LCOR: variants seen among roughly 807,000 people sequenced by gnomAD.
LCOR encodes ligand dependent nuclear receptor corepressor.
Under a neutral mutation model 64.4 loss-of-function variants are expected in LCOR, and 14 were observed. That is an observed-to-expected ratio of 0.22 (90% CI 0.14 to 0.34). The LOEUF (loss-of-function observed/expected upper bound fraction) is 0.34, where lower values mean the gene tolerates loss of function less well. Among genes scored for constraint, LCOR ranks in the 10% least tolerant of loss-of-function variants. LCOR has a pLI of 1.00. For missense variants in LCOR, 1,686 were observed against 1,765.3 expected (o/e 0.96, Z 0.80); for synonymous variants, 643 against 642.5 (o/e 1.00, Z -0.01).
chr10:96,921,730 C>T (rs1017020165), intron 4 of LCOR, among the ~76,000 whole-genome samples: 3 of 152,188 alleles, frequency 2.0e-5, no homozygotes, highest in East Asian at 1.9e-4. Flanking sequence ...TCCCAAAGAG[C>T]GAGGATTACT....
chr10:96,957,301 A>G (rs1847800415), intron 7 of LCOR: 1 of 985,096 alleles, frequency 1.0e-6, no homozygotes, highest in Non-Finnish European at 1.2e-6. Flanking sequence ...ACAGTTCAGG[A>G]CCTTTGAGAT....
At chr10:96,941,188 G>T (rs1589670750) in intron 4 of LCOR, among the ~76,000 whole-genome samples, 1 of 140,008 alleles carries the variant, frequency 7.1e-6, no homozygotes, top group Non-Finnish European at 1.6e-5. Context: ...CAGGCGGGGG[G>T]CTGACCCCCC....
chr10:96,896,847 G>T (rs1196572293), intron 2 of LCOR, among the ~76,000 whole-genome samples: 2 of 152,190 alleles, frequency 1.3e-5, no homozygotes, highest in Non-Finnish European at 1.5e-5. Flanking sequence ...ACTCTGGAAA[G>T]AAGAGAGTAA....
intron 2 of LCOR, among the ~76,000 whole-genome samples, chr10:96,871,237 T>C (rs1040222662): frequency 4.0e-5 from 6 of 151,526 alleles, no homozygotes; most frequent in Admixed American, 4.0e-4. Context: ...TTTTTCCTCT[T>C]GTAGAGACAA....
chr10:96,971,867 A>C (rs1848001994), intron 7 of LCOR, among the ~76,000 whole-genome samples: 1 of 152,258 alleles, frequency 6.6e-6, no homozygotes. Context: ...GAGTATCTAA[A>C]TAACAGGCCT....
At chr10:96,873,800 C>T (rs1203134635) in intron 2 of LCOR, among the ~76,000 whole-genome samples, 1 of 152,028 alleles carries the variant, frequency 6.6e-6, no homozygotes, top group Non-Finnish European at 1.5e-5. Context: ...GATGGGGTTT[C>T]ACCATATTGG....
chr10:96,984,006 T>C lies in LCOR; in HGVS notation c.3546T>C (p.Asn1182=), dbSNP rs1848121002. The C allele has an allele frequency of 6.2e-7, 1 of 1,614,190 alleles. No individual in the cohort carries two copies. The highest frequency in any genetic ancestry group is 1.3e-5 in the African/African-American group (1 of 75,052). The part of the protein sequence containing the change: ...MLFMTNFKLS[N]VCKWFLETTE... The stretch of plus-strand genomic sequence containing the variant: ...TTATGACAAACTTTAAATTATCTAA[T>C]GTTTGTAAATGGTTCTTAGAGACAA... Residue 1182 remains asparagine (N), a synonymous_variant, in exon 8 of 8, where the codon AAT becomes AAC. Transcript: ENST00000421806.
intron 4 of LCOR, among the ~76,000 whole-genome samples, chr10:96,920,631 C>CATATATGTGTATATATGTATGTAT (rs1564626297): frequency 1.7e-5 from 2 of 117,918 alleles, no homozygotes; most frequent in African/African-American, 7.3e-5. Context: ...TATGTATGTA[C>CATATATGTGTATATATGTATGTAT]ATTCATATAT....
At chr10:96,923,531 A>T (rs1250903771) in intron 4 of LCOR, among the ~76,000 whole-genome samples, 2 of 152,178 alleles carry the variant, frequency 1.3e-5, no homozygotes, top group Non-Finnish European at 2.9e-5. Flanking sequence ...AATAAGTAAC[A>T]CTATGTAAGT....
chr10:96,939,557 A>G (rs1847411765), intron 4 of LCOR, among the ~76,000 whole-genome samples: 1 of 152,228 alleles, frequency 6.6e-6, no homozygotes, highest in Non-Finnish European at 1.5e-5. Context: ...AAGAAAACTC[A>G]AAGAATGGGA....
chr10:96,893,355 T>A (rs1846478798), intron 2 of LCOR, among the ~76,000 whole-genome samples: 1 of 152,214 alleles, frequency 6.6e-6, no homozygotes, highest in African/African-American at 2.4e-5. Context: ...TCCTAACACT[T>A]TATAATATAA....
In LCOR at chr10:96,983,675, A is replaced by G. The variant is rs981401670; in HGVS notation, c.3215A>G (p.Lys1072Arg). 5 of 1,614,194 alleles carry G rather than the reference A, an allele frequency of 3.1e-6. No homozygotes were observed. Among genetic ancestry groups the G allele is most frequent in the Non-Finnish European group, 4.2e-6 (5 of 1,180,024 alleles). The change falls in exon 8 of 8, where the codon AAG becomes AGG. Residue 1072 changes from lysine (K) to arginine (R), a missense_variant. Physicochemically the swap from Lys to Arg is conservative, Grantham distance 26 (BLOSUM62 2). This residue lies in a region of LCOR where 1,293 missense variants were observed against 1,410.4 expected (regional missense o/e 0.92). Coordinates refer to ENST00000421806, the MANE Select transcript of LCOR (RefSeq NM_001346516.2). The surrounding 1 kb of genome is among the most constrained non-coding windows in gnomAD (Gnocchi z 4.5). The part of the protein sequence containing the change: ...EAAQVNPIMP[K>R]ENGASESGDP... ...GCACAAGTAAACCCCATAATGCCAA[A>G]GGAAAATGGAGCTTCAGAGAGTGGA...
In LCOR at chr10:96,983,102, A is replaced by G; in HGVS notation, c.2642A>G (p.Glu881Gly). 1 of 1,613,688 alleles carries G rather than the reference A, an allele frequency of 6.2e-7. No individual in the cohort carries two copies. The highest frequency in any genetic ancestry group is 8.5e-7 in the Non-Finnish European group (1 of 1,179,630). ...LPDSFHTETL[E>G]DTEKPSVNER... ...GACAGTTTCCACACGGAAACTCTGG[A>G]GGACACAGAAAAGCCAAGTGTCAAT... is the stretch of plus-strand genomic sequence containing the variant. Residue 881 changes from glutamate to glycine, a missense_variant, in exon 8 of 8, where the codon GAG becomes GGG. By Grantham distance (98) the Glu-to-Gly change is moderately conservative. This residue lies in a region of LCOR where 1,293 missense variants were observed against 1,410.4 expected (regional missense o/e 0.92). Coordinates refer to ENST00000421806, the MANE Select transcript of LCOR (RefSeq NM_001346516.2). This position sits in a 1 kb window ranked among gnomAD's most constrained non-coding sequence, Gnocchi z 4.5.
At chr10:96,888,363 C>CA (rs61076542) in intron 2 of LCOR, among the ~76,000 whole-genome samples, 17,506 of 30,468 alleles carry the variant, frequency 0.57, 7,732 homozygotes, top group Non-Finnish European at 0.75. Context: ...GACTCCGTCT[C>CA]AAAAAAAAAA....
At chr10:96,958,720 T>G in intron 7 of LCOR, 1 of 369,034 alleles carries the variant, frequency 2.7e-6, no homozygotes, top group African/African-American at 2.0e-5. Flanking sequence ...AGCTTTTGAA[T>G]AAGCATATTT....
chr10:96,954,343 T>C (rs1247273291), intron 7 of LCOR, among the ~76,000 whole-genome samples: 1 of 152,060 alleles, frequency 6.6e-6, no homozygotes, highest in Non-Finnish European at 1.5e-5. Context: ...GCCATATATA[T>C]GTATTCCCCC....
At chr10:96,856,302 TC>T (rs1354838373) in intron 2 of LCOR, among the ~76,000 whole-genome samples, 16 of 152,138 alleles carry the variant, frequency 1.1e-4, no homozygotes, top group Admixed American at 7.9e-4. Context: ...GACCTTGTGA[TC>T]CGCCCACTTG....
chr10:96,979,428 C>G (rs931745023), intron 7 of LCOR, among the ~76,000 whole-genome samples: 1 of 152,230 alleles, frequency 6.6e-6, no homozygotes, highest in Non-Finnish European at 1.5e-5. Flanking sequence ...GCTGTCTAAG[C>G]AGGTATTGCC....
intron 4 of LCOR, among the ~76,000 whole-genome samples, chr10:96,915,467 G>C (rs1373291963): frequency 1.3e-5 from 2 of 152,194 alleles, no homozygotes. Context: ...GTTGCAGTCA[G>C]CCGAGATTGC....
Sources: gnomAD v4.1 joint callset for allele counts (sites outside exome capture counted in the v4.1 genomes callset) on GRCh38, gnomAD v4.1.1 for gene constraint, gnomAD v4.1.1 regional missense constraint, Gnocchi (gnomAD v3.1) non-coding constraint, MANE v1.5 for transcripts, NCBI Gene and HGNC (gene_info 2026-07-23, HGNC 2026-07-21) for gene names.